The following DCDC1 variants were observed in gnomAD, a reference collection of about 807,000 sequenced individuals.
DCDC1 encodes doublecortin domain-containing protein 1.
DCDC1 carries 200 observed loss-of-function variants against 178.3 expected under a neutral mutation model. The observed-to-expected ratio is 1.12, with a 90% CI of 1.00 to 1.26. DCDC1 has a LOEUF of 1.26. Ranked by LOEUF, DCDC1 falls within the 50% of genes most tolerant of loss-of-function variation. The probability of loss-of-function intolerance (pLI) is 0.00; values close to 1 mark genes in which losing one functional copy is unlikely to be tolerated. For missense variants in DCDC1, 1,983 were observed against 1,749.2 expected, an observed-to-expected ratio of 1.13 and a Z score of -2.38; for synonymous variants, 690 against 604.8, an observed-to-expected ratio of 1.14 and a Z score of -2.07.
chr11:31,056,559 T>A (rs531729272), intron 20 of DCDC1, among the ~76,000 whole-genome samples: 4 of 152,084 alleles, frequency 2.6e-5, no homozygotes, highest in Non-Finnish European at 5.9e-5. Context: ...CAAAGTAAAC[T>A]TTAAAAAGGG....
chr11:31,269,922 A>G (rs1945437650), intron 7 of DCDC1, among the ~76,000 whole-genome samples: 3 of 152,248 alleles, frequency 2.0e-5, no homozygotes, highest in Admixed American at 2.0e-4. Flanking sequence ...ACTTCAGTTC[A>G]GATGAGAGAG....
intron 36 of DCDC1, among the ~76,000 whole-genome samples, chr11:30,889,524 C>T (rs181629359): frequency 6.6e-6 from 1 of 152,276 alleles, no homozygotes; most frequent in African/African-American, 2.4e-5. Context: ...TAGCCAGACA[C>T]CCCCAGTGAA....
chr11:31,289,185 T>G (rs1947046357), intron 7 of DCDC1, among the ~76,000 whole-genome samples: 1 of 151,966 alleles, frequency 6.6e-6, no homozygotes, highest in Non-Finnish European at 1.5e-5. Context: ...TCTGTAAGAG[T>G]GACTATTACT....
At chr11:30,971,637 T>C (rs913308296) in intron 20 of DCDC1, among the ~76,000 whole-genome samples, 1 of 121,110 alleles carries the variant, frequency 8.3e-6, no homozygotes, top group African/African-American at 3.5e-5. Flanking sequence ...TGAGACGGAG[T>C]CTCACTCTGC....
intron 7 of DCDC1, among the ~76,000 whole-genome samples, chr11:31,275,237 A>T (rs1945891632): frequency 6.6e-6 from 1 of 152,220 alleles, no homozygotes; most frequent in Non-Finnish European, 1.5e-5. Context: ...GCTTTTATAA[A>T]ATTATGCTGT....
At chr11:31,010,780 G>C (rs183676049) in intron 20 of DCDC1, among the ~76,000 whole-genome samples, 6 of 152,094 alleles carry the variant, frequency 3.9e-5, no homozygotes, top group Non-Finnish European at 7.4e-5. Context: ...AATAATTTTT[G>C]TCTTGATAAA....
intron 11 of DCDC1, among the ~76,000 whole-genome samples, chr11:31,120,642 C>T (rs1391299991): frequency 6.6e-6 from 1 of 152,136 alleles, no homozygotes; most frequent in African/African-American, 2.4e-5. Context: ...TAGAAAACAA[C>T]TCTCAGAGCA....
intron 20 of DCDC1, among the ~76,000 whole-genome samples, chr11:31,056,640 T>C (rs1410027451): frequency 6.6e-6 from 1 of 152,092 alleles, no homozygotes; most frequent in African/African-American, 2.4e-5. Flanking sequence ...AATTCCAAAA[T>C]TGTATGTACC....
chr11:31,104,155 C>A (rs114767125), intron 13 of DCDC1, among the ~76,000 whole-genome samples: 1 of 152,058 alleles, frequency 6.6e-6, no homozygotes, highest in South Asian at 2.1e-4. Context: ...TATTTGGCCA[C>A]GAACAACTAT....
intron 20 of DCDC1, among the ~76,000 whole-genome samples, chr11:31,038,081 A>T (rs373057): frequency 0.01 from 395 of 39,082 alleles, 2 homozygotes; most frequent in Non-Finnish European, 0.014. Flanking sequence ...TTGTTGGGGG[A>T]GGGGGGAGGG....
chr11:31,333,528 T>G (rs1467403289), intron 2 of DCDC1, among the ~76,000 whole-genome samples: 1 of 152,206 alleles, frequency 6.6e-6, no homozygotes, highest in Non-Finnish European at 1.5e-5. Context: ...GGTTGTTTCT[T>G]TACATGTTTA....
At chr11:31,146,946 C>T (rs748924252) in intron 9 of DCDC1, among the ~76,000 whole-genome samples, 10 of 152,230 alleles carry the variant, frequency 6.6e-5, no homozygotes, top group Middle Eastern at 6.8e-3. Flanking sequence ...GATATGCCAT[C>T]GTGTCGAGGT....
intron 20 of DCDC1, among the ~76,000 whole-genome samples, chr11:31,033,737 G>A (rs982179597): frequency 1.3e-5 from 2 of 152,092 alleles, no homozygotes; most frequent in African/African-American, 4.8e-5. Context: ...GATCATAATT[G>A]AGCTGAAAAA....
chr11:31,063,314 C>G (rs1348795010), intron 20 of DCDC1, among the ~76,000 whole-genome samples: 5 of 152,022 alleles, frequency 3.3e-5, no homozygotes, highest in Non-Finnish European at 7.4e-5. Flanking sequence ...GGATCTAGAA[C>G]TAGAAATACC....
At chr11:30,932,434 TCA>T (rs1293357277) in intron 21 of DCDC1, among the ~76,000 whole-genome samples, 5 of 152,152 alleles carry the variant, frequency 3.3e-5, no homozygotes, top group Non-Finnish European at 7.4e-5. Context: ...GTTGTAGAAT[TCA>T]GTTACTTTTT....
At chr11:30,881,640 T>G (rs775096733) in intron 36 of DCDC1, among the ~76,000 whole-genome samples, 2 of 152,020 alleles carry the variant, frequency 1.3e-5, no homozygotes, top group Non-Finnish European at 2.9e-5. Flanking sequence ...TAAAAACAAT[T>G]TTTTTTAGTG....
rs1590374366 is a variant in DCDC1 at position 30,922,566 on chromosome 11, G to A, written c.3070C>T (p.Leu1024=). 1 of 1,587,390 alleles carries A rather than the reference G, an allele frequency of 6.3e-7. No homozygotes were observed. The part of the protein sequence containing the change: ...SIAQQKKQIF[L]RNLESDIAKI... ...GCAATGTCTGATTCTAGGTTCCTCAGGAATATTTGTTTCTTTTGCTGAGCA... is the reference window on the plus strand; with the variant it reads ...GCAATGTCTGATTCTAGGTTCCTCAAGAATATTTGTTTCTTTTGCTGAGCA... Residue 1024 remains leucine, a synonymous_variant, in exon 24 of 39, where the codon CTG becomes TTG. Coordinates refer to ENST00000684477, the MANE Select transcript of DCDC1 (RefSeq NM_001387274.1).
At chr11:31,146,281 T>C (rs2136063997) in intron 9 of DCDC1, among the ~76,000 whole-genome samples, 1 of 152,236 alleles carries the variant, frequency 6.6e-6, no homozygotes, top group Non-Finnish European at 1.5e-5. Context: ...AGATGGGGTT[T>C]CACCATGTTG....
chr11:30,904,902 G>T (rs2134135238), intron 31 of DCDC1, 59 bp downstream of exon 31: 2 of 1,593,684 alleles, frequency 1.3e-6, no homozygotes, highest in Non-Finnish European at 1.7e-6. Flanking sequence ...TCTTTAAGAA[G>T]AATTGCCATT....
Sources: gnomAD v4.1 joint callset for allele counts (sites outside exome capture counted in the v4.1 genomes callset) on GRCh38, gnomAD v4.1.1 for gene constraint, MANE v1.5 for transcripts, NCBI Gene and HGNC (gene_info 2026-07-23, HGNC 2026-07-21) for gene names.